Variants in DAB1 observed in about 807,000 individuals in gnomAD.
The protein encoded by DAB1 is disabled homolog 1.
In DAB1, 15 loss-of-function variants were observed where a neutral mutation model predicts 64.6. The ratio of observed to expected loss-of-function variants is 0.23; its 90% CI spans 0.16 to 0.36. The LOEUF (loss-of-function observed/expected upper bound fraction) is 0.36, where lower values mean the gene tolerates loss of function less well. Ranked by LOEUF, DAB1 falls within the 10% of genes least tolerant of loss-of-function variation. The probability of loss-of-function intolerance (pLI) is 1.00; values close to 1 mark genes in which losing one functional copy is unlikely to be tolerated. For missense variants in DAB1, 596 were observed against 706.7 expected (o/e 0.84, Z 1.78); for synonymous variants, 235 against 251.9 (o/e 0.93, Z 0.64).
At position 57,149,377 on chromosome 1, in the gene DAB1, A is replaced by G. The variant is rs188113712; in HGVS notation, c.68-3948T>C. Among the ~76,000 whole-genome samples the G allele has an allele frequency of 1.9e-3, 294 of 152,302 alleles. 1 individual carries two copies. Among genetic ancestry groups the G allele is most frequent in the African/African-American group, 6.8e-3 (283 of 41,558 alleles). On this transcript the variant is annotated intron_variant, in intron 2 of 14. Coordinates refer to ENST00000371236, the MANE Select transcript of DAB1 (RefSeq NM_001365792.1). ...AATTGTCGCATCATATGGTAACTCT[A>G]TATTTAACTTTTTGGAGAACTGTCA...
chr1:57,082,944 T>C (rs11206970), intron 4 of DAB1, among the ~76,000 whole-genome samples: 34,453 of 152,102 alleles, frequency 0.23, 4,644 homozygotes, highest in East Asian at 0.49. Context: ...AAACAATTTG[T>C]ACTCCTGACT....
At chr1:57,742,262 G>C (rs1264373295) in intron 6 of DAB1, among the ~76,000 whole-genome samples, 1 of 152,062 alleles carries the variant, frequency 6.6e-6, no homozygotes, top group African/African-American at 2.4e-5. Flanking sequence ...GAGAAACCAA[G>C]GCGCAGGCAG....
At chr1:57,327,993 G>A (rs905492759) in intron 1 of DAB1, among the ~76,000 whole-genome samples, 1 of 152,134 alleles carries the variant, frequency 6.6e-6, no homozygotes, top group Admixed American at 6.5e-5. Context: ...GTCATTTTCT[G>A]GGGGAGGAAT....
chr1:57,097,832 C>T lies in DAB1; in HGVS notation c.307-25418G>A, dbSNP rs538765063. Among the ~76,000 whole-genome samples the T allele has an allele frequency of 2.0e-5, 3 of 152,048 alleles. No homozygotes were observed. The East Asian group carries it at 5.8e-4, about 29-fold the overall frequency. On this transcript the variant is annotated intron_variant, in intron 4 of 14. Transcript: ENST00000371236. ...TCACTCTGTGGCACAGGCTGGAGTG[C>T]AGTGGTGCAATCTCAGCTCACTGCA...
chr1:57,234,505 A>T (rs984650245), intron 2 of DAB1, among the ~76,000 whole-genome samples: 2 of 152,190 alleles, frequency 1.3e-5, no homozygotes, highest in Non-Finnish European at 2.9e-5. Context: ...TTTTCCATAA[A>T]ATAACCCTAT....
At chr1:57,173,652 C>T (rs1452277968) in intron 2 of DAB1, among the ~76,000 whole-genome samples, 2 of 152,110 alleles carry the variant, frequency 1.3e-5, no homozygotes, top group Admixed American at 6.5e-5. Flanking sequence ...CAAGCTTAAT[C>T]GGGAAACAAA....
intron 3 of DAB1, among the ~76,000 whole-genome samples, chr1:58,397,257 A>C (rs1480075849): frequency 6.6e-6 from 1 of 152,182 alleles, no homozygotes; most frequent in Non-Finnish European, 1.5e-5. Context: ...GCCCAGGCAC[A>C]ACATTCCTGA....
chr1:58,221,936 A>G (rs1376969338), intron 4 of DAB1, among the ~76,000 whole-genome samples: 3 of 152,206 alleles, frequency 2.0e-5, no homozygotes, highest in African/African-American at 7.2e-5. Context: ...ATGTTCTTAA[A>G]TTTTAAAATT....
At chr1:58,346,674 G>A (rs1170619846) in intron 3 of DAB1, among the ~76,000 whole-genome samples, 1 of 152,186 alleles carries the variant, frequency 6.6e-6, no homozygotes, top group East Asian at 1.9e-4. Flanking sequence ...TAGTTCTAAT[G>A]ATGAGAAGCT....
chr1:57,260,502 A>G (rs566925734), intron 2 of DAB1, among the ~76,000 whole-genome samples: 1 of 152,332 alleles, frequency 6.6e-6, no homozygotes, highest in South Asian at 2.1e-4. Flanking sequence ...CCACAAATCA[A>G]ACATGAGTCA....
chr1:57,647,863 C>T (rs865982150), intron 7 of DAB1, among the ~76,000 whole-genome samples: 2 of 152,198 alleles, frequency 1.3e-5, no homozygotes, highest in Non-Finnish European at 2.9e-5. Flanking sequence ...CAAATTAAAA[C>T]ATTGAAGTTC....
chr1:57,176,537 G>C (rs1185061898), intron 2 of DAB1, among the ~76,000 whole-genome samples: 2 of 152,002 alleles, frequency 1.3e-5, no homozygotes, highest in Admixed American at 6.6e-5. Context: ...GATTTGGGTG[G>C]GGACACAGCC....
intron 4 of DAB1, among the ~76,000 whole-genome samples, chr1:58,236,381 G>A (rs1040522070): frequency 3.3e-5 from 5 of 152,038 alleles, no homozygotes; most frequent in Admixed American, 1.3e-4. Context: ...CACTCAGTCA[G>A]GCTCTGGGAC....
chr1:57,995,124 A>C (rs1388173626), intron 5 of DAB1, among the ~76,000 whole-genome samples: 1 of 152,188 alleles, frequency 6.6e-6, no homozygotes, highest in Non-Finnish European at 1.5e-5. Context: ...TGAAAGGCAA[A>C]GACAGTAGTT....
intron 9 of DAB1, among the ~76,000 whole-genome samples, chr1:57,046,119 A>C (rs946688632): frequency 2.0e-5 from 3 of 152,236 alleles, no homozygotes; most frequent in East Asian, 1.9e-4. Flanking sequence ...AACTTTGTAA[A>C]TCTCTCTTTA....
intron 5 of DAB1, among the ~76,000 whole-genome samples, chr1:58,095,375 A>G (rs926613188): frequency 6.6e-6 from 1 of 152,190 alleles, no homozygotes; most frequent in Non-Finnish European, 1.5e-5. Flanking sequence ...CGGTATAAGT[A>G]CTATCCGCAT....
chr1:57,050,620 C>G (rs1649092427), intron 9 of DAB1, among the ~76,000 whole-genome samples: 2 of 152,314 alleles, frequency 1.3e-5, no homozygotes, highest in South Asian at 4.1e-4. Context: ...TATTCAAGCT[C>G]TATACCCTGG....
At chr1:58,105,190 A>G (rs1235519360) in intron 5 of DAB1, among the ~76,000 whole-genome samples, 1 of 152,258 alleles carries the variant, frequency 6.6e-6, no homozygotes, top group East Asian at 1.9e-4. Flanking sequence ...TAAAGGTCAC[A>G]GAACAGTTCC....
intron 4 of DAB1, among the ~76,000 whole-genome samples, chr1:57,125,227 A>C (rs887785756): frequency 6.6e-6 from 1 of 152,204 alleles, no homozygotes; most frequent in Non-Finnish European, 1.5e-5. Context: ...TTGGAGGCGC[A>C]GACCCCATAG....
Sources: allele counts gnomAD v4.1 joint callset (sites outside exome capture counted in the v4.1 genomes callset), GRCh38; gene constraint gnomAD v4.1.1; transcripts MANE v1.5; gene names NCBI Gene and HGNC (gene_info 2026-07-23, HGNC 2026-07-21).